AKAP13: variants seen among roughly 807,000 people sequenced by gnomAD.
AKAP13 encodes the protein A-kinase anchoring protein 13.
AKAP13 carries 80 observed loss-of-function variants against 264.5 expected under a neutral mutation model. The observed-to-expected ratio is 0.30, with a 90% CI of 0.25 to 0.36. The LOEUF is 0.36. Among genes scored for constraint, AKAP13 ranks in the 10% least tolerant of loss-of-function variants. The pLI, the probability that AKAP13 is intolerant of heterozygous loss-of-function variation, is 1.00. For missense variants in AKAP13, 3,712 were observed against 3,435.2 expected (o/e 1.08, Z -2.01); for synonymous variants, 1,380 against 1,250.2 (o/e 1.10, Z -2.19).
chr15:85,596,000 T>C (rs2079809387), intron 8 of AKAP13, among the ~76,000 whole-genome samples: 1 of 152,214 alleles, frequency 6.6e-6, no homozygotes, highest in African/African-American at 2.4e-5. Flanking sequence ...TTTCATTTCA[T>C]ACAGTGATGT....
At chr15:85,650,481 C>A (rs986135231) in intron 10 of AKAP13, among the ~76,000 whole-genome samples, 2 of 151,638 alleles carry the variant, frequency 1.3e-5, no homozygotes, top group African/African-American at 2.4e-5. Flanking sequence ...AAGAAAATGA[C>A]AATTGCGGCT....
Position 85,463,961 on chromosome 15 carries a change from A to G in AKAP13, c.-11-21749A>G, listed in dbSNP as rs369059448. On this transcript the variant is annotated intron_variant, in intron 1 of 36. Transcript: ENST00000394518. Reference sequence around the variant, plus strand: ...TTAGAAATGCATACTTGTATGCTCAACAGCCAGGTAGTATGTACTGCGGAA... The same window carrying G: ...TTAGAAATGCATACTTGTATGCTCAGCAGCCAGGTAGTATGTACTGCGGAA... 5.3e-5 allele frequency among the ~76,000 whole-genome samples: 8 copies of G among 152,176 alleles called. No homozygotes were observed. In the East Asian group the frequency reaches 1.2e-3, roughly 22 times the overall value.
chr15:85,692,716 C>A (rs1278490540), intron 16 of AKAP13, among the ~76,000 whole-genome samples: 1 of 152,142 alleles, frequency 6.6e-6, no homozygotes, highest in South Asian at 2.1e-4. Context: ...ATATGTGGGG[C>A]ATATTTAATA....
intron 17 of AKAP13, 50 bp downstream of exon 17, chr15:85,693,501 G>A (rs1434811804): frequency 6.9e-6 from 11 of 1,589,012 alleles, no homozygotes; most frequent in Non-Finnish European, 7.7e-6. Flanking sequence ...CTTGGCTCAA[G>A]AAAGCTCATT....
chr15:85,691,726 C>G, intron 16 of AKAP13: 1 of 448,118 alleles, frequency 2.2e-6, no homozygotes, highest in Non-Finnish European at 4.5e-6. Flanking sequence ...GTACCTAGCC[C>G]GGTTTTGGCC....
chr15:85,579,247 T>A lies in AKAP13; in HGVS notation c.1179T>A (p.Thr393=), dbSNP rs1433752156. The A allele has an allele frequency of 6.2e-7, 1 of 1,614,230 alleles. No homozygotes were observed. Among genetic ancestry groups the A allele is most frequent in the South Asian group, 1.1e-5 (1 of 91,086 alleles). ...CAGCACCTATTGTGGACTCTGGAAC[T>A]GTATCTGATCAAGACAGCTGCCTTC... ...VEPAPIVDSG[T]VSDQDSCLQS... The change falls in exon 7 of 37, where the codon ACT becomes ACA. Residue 393 remains threonine (T), a synonymous_variant. Coordinates refer to ENST00000394518, the MANE Select transcript of AKAP13 (RefSeq NM_007200.5).
At chr15:85,402,496 G>A (rs566110161) in intron 1 of AKAP13, among the ~76,000 whole-genome samples, 54 of 152,306 alleles carry the variant, frequency 3.5e-4, no homozygotes, top group African/African-American at 1.3e-3. Context: ...GGGGATCGTG[G>A]TATCTGACTG....
chr15:85,741,545 C>G, intron 35 of AKAP13, 50 bp downstream of exon 35: 3 of 1,516,216 alleles, frequency 2.0e-6, no homozygotes, highest in Non-Finnish European at 2.6e-6. Flanking sequence ...TTAATTAAGA[C>G]CCCCTGTGTA....
At chr15:85,402,911 G>A (rs893977702) in intron 1 of AKAP13, among the ~76,000 whole-genome samples, 1 of 152,176 alleles carries the variant, frequency 6.6e-6, no homozygotes. Flanking sequence ...AGTTACAGGA[G>A]TTTTGTAGCT....
chr15:85,429,723 G>A (rs2072945794), intron 1 of AKAP13, among the ~76,000 whole-genome samples: 1 of 152,200 alleles, frequency 6.6e-6, no homozygotes, highest in South Asian at 2.1e-4. Flanking sequence ...GCTATTCTCA[G>A]TCCTGGCTCT....
chr15:85,546,684 C>T lies in AKAP13; in HGVS notation c.662+2729C>T, dbSNP rs113826043. ...ATAAAGCATTTGTTGGTGAGATTCACGAAGGGGTTTGTAGAAAGTTAAGAA... is the reference window on the plus strand; with the variant it reads ...ATAAAGCATTTGTTGGTGAGATTCATGAAGGGGTTTGTAGAAAGTTAAGAA... On this transcript the variant is annotated intron_variant, in intron 5 of 36. Coordinates refer to ENST00000394518, the MANE Select transcript of AKAP13 (RefSeq NM_007200.5). Among the ~76,000 whole-genome samples, 515 of 151,130 alleles carry T rather than the reference C, an allele frequency of 3.4e-3. 3 individuals are homozygous for T. Among genetic ancestry groups the T allele is most frequent in the African/African-American group, 0.011 (470 of 41,174 alleles).
chr15:85,648,840 A>AAAAT (rs772365505), intron 10 of AKAP13, among the ~76,000 whole-genome samples: 2 of 152,168 alleles, frequency 1.3e-5, no homozygotes, highest in Admixed American at 6.5e-5. Context: ...CCCTGTCTCA[A>AAAAT]AAATAAATAA....
intron 7 of AKAP13, 23 bp from the exon 8 acceptor site, chr15:85,585,679 C>G (rs771988008): frequency 9.3e-6 from 15 of 1,613,818 alleles, no homozygotes; most frequent in Non-Finnish European, 1.3e-5. Flanking sequence ...AAAATGTACT[C>G]TGTAACCCCC....
chr15:85,698,373 G>T (rs1251688300), intron 17 of AKAP13, among the ~76,000 whole-genome samples: 2 of 148,074 alleles, frequency 1.4e-5, no homozygotes, highest in African/African-American at 5.0e-5. Context: ...GCTGAGGCAG[G>T]AGAATTGCTT....
chr15:85,722,568 A>C (rs923310299), intron 25 of AKAP13, among the ~76,000 whole-genome samples: 2 of 152,264 alleles, frequency 1.3e-5, no homozygotes, highest in South Asian at 4.1e-4. Flanking sequence ...GATTCCATCC[A>C]GAGTTCAATG....
chr15:85,499,047 C>T (rs1714041483), intron 2 of AKAP13, among the ~76,000 whole-genome samples: 1 of 152,098 alleles, frequency 6.6e-6, no homozygotes, highest in Non-Finnish European at 1.5e-5. Context: ...ACTGTGTAAC[C>T]CATCAGCAGT....
intron 12 of AKAP13, among the ~76,000 whole-genome samples, chr15:85,660,107 C>G (rs1430410460): frequency 6.6e-6 from 1 of 152,074 alleles, no homozygotes; most frequent in African/African-American, 2.4e-5. Context: ...AATCCCAGCA[C>G]TTTGGGAGGC....
rs761388815 is a variant in AKAP13, at chr15:85,664,557, G to T, written c.4800-6G>T. ...GAATGAATTAACTTTTGTGCCCTAT[G>T]TTCAGTTTCAGTCTAGAAGGCTTGA... On this transcript the variant is annotated splice_region_variant and splice_polypyrimidine_tract_variant and intron_variant, in intron 12 of 36. Coordinates refer to ENST00000394518, the MANE Select transcript of AKAP13 (RefSeq NM_007200.5). 4.1e-5 allele frequency: 65 copies of T among 1,601,674 alleles called. No homozygotes were observed. The highest frequency in any genetic ancestry group is 5.5e-5 in the Non-Finnish European group (64 of 1,172,794).
intron 1 of AKAP13, among the ~76,000 whole-genome samples, chr15:85,469,728 T>C (rs918361236): frequency 6.6e-6 from 1 of 152,238 alleles, no homozygotes; most frequent in Non-Finnish European, 1.5e-5. Flanking sequence ...CTTAAAATAC[T>C]AATGCATTTA....
Sources: gnomAD v4.1 joint callset for allele counts (sites outside exome capture counted in the v4.1 genomes callset) on GRCh38, gnomAD v4.1.1 for gene constraint, MANE v1.5 for transcripts, NCBI Gene and HGNC (gene_info 2026-07-23, HGNC 2026-07-21) for gene names.